PBX3: variants seen among roughly 807,000 people sequenced by gnomAD.
The protein encoded by PBX3 is pre-B-cell leukemia transcription factor 3.
In PBX3, 14 loss-of-function variants were observed where a neutral mutation model predicts 48.5. That is an observed-to-expected ratio of 0.29 (90% CI 0.19 to 0.45). PBX3 has a LOEUF of 0.45. Among genes scored for constraint, PBX3 ranks in the 20% least tolerant of loss-of-function variants. The pLI is 1.00. For missense variants in PBX3, 386 were observed against 546.7 expected, an observed-to-expected ratio of 0.71 and a Z score of 2.93; for synonymous variants, 210 against 200.3, an observed-to-expected ratio of 1.05 and a Z score of -0.41.
At chr9:125,957,257 T>G (rs1164380761) in intron 5 of PBX3, among the ~76,000 whole-genome samples, 1 of 152,244 alleles carries the variant, frequency 6.6e-6, no homozygotes, top group Non-Finnish European at 1.5e-5. Flanking sequence ...AATTAAACCT[T>G]GCTTGTTAGT....
At chr9:125,852,859 C>T (rs1404430967) in intron 2 of PBX3, among the ~76,000 whole-genome samples, 2 of 152,122 alleles carry the variant, frequency 1.3e-5, no homozygotes, top group African/African-American at 4.8e-5. Context: ...GCCCTAGGAA[C>T]TTGTAAATGC....
chr9:125,778,854 T>A (rs1182044183), intron 2 of PBX3, among the ~76,000 whole-genome samples: 1 of 137,082 alleles, frequency 7.3e-6, no homozygotes, highest in African/African-American at 2.7e-5. Context: ...TTTACCAACT[T>A]TGCTCACCAT....
chr9:125,915,969 TTGC>T, intron 3 of PBX3, 42 bp downstream of exon 3: 1 of 1,599,444 alleles, frequency 6.3e-7, no homozygotes, highest in Non-Finnish European at 8.5e-7. Flanking sequence ...AAACCCTCTG[TTGC>T]TCTTCTATTA....
chr9:125,837,456 G>A (rs2132217236), intron 2 of PBX3, among the ~76,000 whole-genome samples: 1 of 150,852 alleles, frequency 6.6e-6, no homozygotes, highest in African/African-American at 2.4e-5. Context: ...GATGCTATTT[G>A]CCTCTGGAGG....
At chr9:125,786,652 T>C (rs1837464316) in intron 2 of PBX3, among the ~76,000 whole-genome samples, 1 of 151,934 alleles carries the variant, frequency 6.6e-6, no homozygotes, top group Non-Finnish European at 1.5e-5. Flanking sequence ...CAAATAGAGT[T>C]GGCTTTCAGT....
chr9:125,793,924 A>G (rs945948696), intron 2 of PBX3, among the ~76,000 whole-genome samples: 2 of 152,200 alleles, frequency 1.3e-5, no homozygotes, highest in Non-Finnish European at 2.9e-5. Flanking sequence ...CCTTTCCATT[A>G]TGAAGATTTA....
chr9:125,862,859 T>A (rs544432091), intron 2 of PBX3, among the ~76,000 whole-genome samples: 8 of 152,158 alleles, frequency 5.3e-5, no homozygotes, highest in Non-Finnish European at 1.0e-4. Flanking sequence ...TGTATGTATT[T>A]TTCTTTTCAT....
chr9:125,966,796 T>C lies in PBX3; in HGVS notation c.*873T>C, dbSNP rs1333878330. On this transcript the variant is annotated 3_prime_UTR_variant, in exon 9 of 9. Coordinates refer to ENST00000373489, the MANE Select transcript of PBX3 (RefSeq NM_006195.6). Reference sequence around the variant, plus strand: ...CCTCATGCGAACTCATACAAACCAATAGAATTTCAACATGTTCTGTAGCTT... The same window carrying C: ...CCTCATGCGAACTCATACAAACCAACAGAATTTCAACATGTTCTGTAGCTT... 2 of 152,658 alleles carry C rather than the reference T, an allele frequency of 1.3e-5. No homozygotes were observed. The highest frequency in any genetic ancestry group is 2.9e-5 in the Non-Finnish European group (2 of 68,042). 9.5% of individuals were successfully genotyped at this position (152,658 alleles called of 1,614,324 possible). A position where few individuals can be genotyped will look rare whatever the true frequency, so the allele number is the denominator to read the frequency against.
intron 4 of PBX3, among the ~76,000 whole-genome samples, chr9:125,934,789 G>A (rs1841798436): frequency 6.6e-6 from 1 of 151,842 alleles, no homozygotes; most frequent in African/African-American, 2.4e-5. Context: ...TACCTTTCAA[G>A]TAGATCTTGA....
chr9:125,769,389 G>A (rs909183336), intron 2 of PBX3, among the ~76,000 whole-genome samples: 1 of 152,222 alleles, frequency 6.6e-6, no homozygotes, highest in Admixed American at 6.5e-5. Flanking sequence ...GGGGTCCACG[G>A]ACACCATTTC....
chr9:125,944,728 A>G (rs1455837280), intron 5 of PBX3, among the ~76,000 whole-genome samples: 1 of 152,020 alleles, frequency 6.6e-6, no homozygotes, highest in East Asian at 1.9e-4. Flanking sequence ...TGTTAGGAGA[A>G]CAGTTTAATA....
At chr9:125,923,860 C>T (rs968856199) in intron 3 of PBX3, among the ~76,000 whole-genome samples, 33 of 151,856 alleles carry the variant, frequency 2.2e-4, no homozygotes, top group African/African-American at 7.7e-4. Context: ...ACCACTGCAC[C>T]CAGCCTATTT....
chr9:125,906,302 C>T, intron 2 of PBX3, among the ~76,000 whole-genome samples: 1 of 151,942 alleles, frequency 6.6e-6, no homozygotes, highest in East Asian at 1.9e-4. Flanking sequence ...ATGCCAATGA[C>T]CCTCATGCCG....
At chr9:125,793,366 A>AAAAATATATATATATAT (rs59271982) in intron 2 of PBX3, among the ~76,000 whole-genome samples, 1 of 101,974 alleles carries the variant, frequency 9.8e-6, no homozygotes, top group African/African-American at 4.2e-5. Flanking sequence ...GGAAAAAAAA[A>AAAAATATATATATATAT]ATATATATAT....
intron 5 of PBX3, among the ~76,000 whole-genome samples, chr9:125,954,740 T>C (rs1564189955): frequency 6.6e-6 from 1 of 152,192 alleles, no homozygotes; most frequent in Non-Finnish European, 1.5e-5. Context: ...GGTTTCACCA[T>C]ATTGGCCAGG....
chr9:125,780,579 G>T (rs147725806), intron 2 of PBX3, among the ~76,000 whole-genome samples: 3,170 of 139,894 alleles, frequency 0.023, 41 homozygotes, highest in South Asian at 0.036. Context: ...TCACTTCCCA[G>T]TAGGGGAGGC....
intron 2 of PBX3, among the ~76,000 whole-genome samples, chr9:125,816,278 G>A (rs1052778991): frequency 6.6e-6 from 1 of 152,128 alleles, no homozygotes; most frequent in Non-Finnish European, 1.5e-5. Flanking sequence ...GAACACAGGT[G>A]TGAGCCCCTG....
intron 2 of PBX3, among the ~76,000 whole-genome samples, chr9:125,751,658 C>T (rs577837835): frequency 1.3e-5 from 2 of 152,144 alleles, no homozygotes; most frequent in African/African-American, 4.8e-5. Context: ...TGAGAGCACC[C>T]AAAAAGTTGT....
intron 2 of PBX3, among the ~76,000 whole-genome samples, chr9:125,818,287 T>C (rs1421343708): frequency 2.0e-5 from 3 of 151,504 alleles, no homozygotes; most frequent in Non-Finnish European, 4.4e-5. Flanking sequence ...ATTTCTTACT[T>C]AAGTTATGAA....
Sources: gnomAD v4.1 joint callset for allele counts (sites outside exome capture counted in the v4.1 genomes callset) on GRCh38, gnomAD v4.1.1 for gene constraint, MANE v1.5 for transcripts, NCBI Gene and HGNC (gene_info 2026-07-23, HGNC 2026-07-21) for gene names.